The following C8orf34 variants were observed in gnomAD, a reference collection of about 807,000 sequenced individuals.
C8orf34 encodes the protein chromosome 8 open reading frame 34.
In C8orf34, 65 loss-of-function variants were observed where a neutral mutation model predicts 68.3. That is an observed-to-expected ratio of 0.95 (90% CI 0.78 to 1.17). C8orf34 has a LOEUF of 1.17. Ranked by LOEUF, C8orf34 falls within the 50% of genes most tolerant of loss-of-function variation. C8orf34 has a pLI of 0.00. For missense variants in C8orf34, 664 were observed against 655.4 expected, an observed-to-expected ratio of 1.01 and a Z score of -0.14; for synonymous variants, 244 against 241.2, an observed-to-expected ratio of 1.01 and a Z score of -0.11.
In C8orf34 at chr8:68,439,490, T is replaced by G; in HGVS notation, c.328-9T>G. The stretch of plus-strand genomic sequence containing the variant: ...TTAATTATAATTGTGTGCTCTATTC[T>G]GCCTTCAGGAATTAATGACCAAGTT... On this transcript the variant is annotated splice_polypyrimidine_tract_variant and intron_variant, in intron 1 of 13. Transcript: ENST00000518698. The G allele has an allele frequency of 6.2e-7, 1 of 1,611,748 alleles. No homozygotes were observed. The highest frequency in any genetic ancestry group is 8.5e-7 in the Non-Finnish European group (1 of 1,179,082).
At chr8:68,481,704 A>G (rs1163757320) in intron 4 of C8orf34, among the ~76,000 whole-genome samples, 2 of 152,234 alleles carry the variant, frequency 1.3e-5, no homozygotes, top group African/African-American at 4.8e-5. Context: ...TTGGACTTGC[A>G]TGGACCCTGT....
chr8:68,748,764 T>C (rs1277287059), intron 10 of C8orf34, among the ~76,000 whole-genome samples: 1 of 152,038 alleles, frequency 6.6e-6, no homozygotes, highest in East Asian at 1.9e-4. Flanking sequence ...TGTGGAGAAA[T>C]AGGAACACTT....
At chr8:68,703,487 A>C (rs967525754) in intron 8 of C8orf34, among the ~76,000 whole-genome samples, 1 of 152,066 alleles carries the variant, frequency 6.6e-6, no homozygotes, top group African/African-American at 2.4e-5. Flanking sequence ...TGGGACAAGC[A>C]ACTTTGTGCA....
At chr8:68,633,644 A>C (rs113774092) in intron 7 of C8orf34, among the ~76,000 whole-genome samples, 100 of 152,338 alleles carry the variant, frequency 6.6e-4, no homozygotes, top group African/African-American at 2.4e-3. Flanking sequence ...TTAACAAACT[A>C]AATTTTTATC....
At chr8:68,699,700 T>C (rs1820933569) in intron 8 of C8orf34, among the ~76,000 whole-genome samples, 1 of 152,118 alleles carries the variant, frequency 6.6e-6, no homozygotes, top group Non-Finnish European at 1.5e-5. Flanking sequence ...ACAAAACATA[T>C]CTATTCTCCA....
At chr8:68,662,272 C>T (rs73683587) in intron 8 of C8orf34, among the ~76,000 whole-genome samples, 103 of 152,300 alleles carry the variant, frequency 6.8e-4, no homozygotes, top group African/African-American at 2.3e-3. Flanking sequence ...TGTTGACAAT[C>T]TGTGTGTCAA....
At chr8:68,331,845 A>G (rs1585926202) in intron 1 of C8orf34, among the ~76,000 whole-genome samples, 1 of 105,322 alleles carries the variant, frequency 9.5e-6, no homozygotes, top group South Asian at 3.8e-4. Flanking sequence ...GAAAAGGTGG[A>G]GGAGGTGCTT....
At chr8:68,755,377 G>A (rs976261254) in intron 10 of C8orf34, among the ~76,000 whole-genome samples, 4 of 152,196 alleles carry the variant, frequency 2.6e-5, no homozygotes, top group Non-Finnish European at 5.9e-5. Context: ...TAGTAATAGA[G>A]TAATAAGCCA....
chr8:68,637,194 A>C (rs1818872137), intron 7 of C8orf34, among the ~76,000 whole-genome samples: 1 of 152,208 alleles, frequency 6.6e-6, no homozygotes, highest in African/African-American at 2.4e-5. Context: ...TCTGTATTCT[A>C]TCTAGGGTAG....
rs1814696369 is a variant in C8orf34, at chr8:68,520,354, G to A, written c.766-1445G>A. The stretch of plus-strand genomic sequence containing the variant: ...GATTATATATTACATTGTATGTACT[G>A]TAAGATTATATTGTATTATATTCTG... On this transcript the variant is annotated intron_variant, in intron 5 of 13. Transcript: ENST00000518698. Among the ~76,000 whole-genome samples, 3 of 152,140 alleles carry A rather than the reference G, an allele frequency of 2.0e-5. No homozygotes were observed. In the South Asian group the frequency reaches 6.2e-4, roughly 32 times the overall value.
At chr8:68,375,237 T>A (rs1224809026) in intron 1 of C8orf34, among the ~76,000 whole-genome samples, 1 of 152,226 alleles carries the variant, frequency 6.6e-6, no homozygotes, top group Non-Finnish European at 1.5e-5. Flanking sequence ...CTCAGTAGTT[T>A]CCAAATGTTT....
At chr8:68,613,047 A>C (rs2130571376) in intron 7 of C8orf34, among the ~76,000 whole-genome samples, 1 of 152,292 alleles carries the variant, frequency 6.6e-6, no homozygotes, top group Non-Finnish European at 1.5e-5. Flanking sequence ...CAGTATACAA[A>C]GTATGGCTAT....
chr8:68,751,516 T>A (rs941263323), intron 10 of C8orf34, among the ~76,000 whole-genome samples: 1 of 152,180 alleles, frequency 6.6e-6, no homozygotes, highest in African/African-American at 2.4e-5. Context: ...TAGAAAAATG[T>A]AGGTTGCGTG....
chr8:68,437,606 A>G (rs954204827), intron 1 of C8orf34, among the ~76,000 whole-genome samples: 1 of 152,200 alleles, frequency 6.6e-6, no homozygotes, highest in Non-Finnish European at 1.5e-5. Context: ...ATTACTTTAC[A>G]ATTACCTTCA....
At chr8:68,470,643 A>G (rs1812341288) in intron 4 of C8orf34, among the ~76,000 whole-genome samples, 2 of 152,084 alleles carry the variant, frequency 1.3e-5, no homozygotes, top group South Asian at 4.1e-4. Context: ...TTTGTTTCTT[A>G]TAATTCTGGA....
intron 1 of C8orf34, chr8:68,438,737 T>G (rs1810770696): frequency 6.6e-6 from 1 of 152,170 alleles, no homozygotes; most frequent in Non-Finnish European, 1.5e-5. Flanking sequence ...GGGATTCTAA[T>G]GGACTACATA....
At chr8:68,430,834 AC>A (rs1810423150) in intron 1 of C8orf34, among the ~76,000 whole-genome samples, 1 of 152,164 alleles carries the variant, frequency 6.6e-6, no homozygotes, top group Non-Finnish European at 1.5e-5. Context: ...GAGAAATATA[AC>A]ATTGAGAGAG....
At chr8:68,442,453 G>A (rs1319314743) in intron 2 of C8orf34, among the ~76,000 whole-genome samples, 1 of 152,094 alleles carries the variant, frequency 6.6e-6, no homozygotes, top group Non-Finnish European at 1.5e-5. Context: ...TTGTGGTTGT[G>A]TTACTACCTC....
intron 1 of C8orf34, among the ~76,000 whole-genome samples, chr8:68,432,896 A>G (rs925149222): frequency 6.6e-6 from 1 of 152,176 alleles, no homozygotes; most frequent in African/African-American, 2.4e-5. Flanking sequence ...CATGCTTACC[A>G]TTCTACTGCC....
Sources: allele counts gnomAD v4.1 joint callset (sites outside exome capture counted in the v4.1 genomes callset), GRCh38; gene constraint gnomAD v4.1.1; transcripts MANE v1.5; gene names NCBI Gene and HGNC (gene_info 2026-07-23, HGNC 2026-07-21).